The following USP15 variants were observed in gnomAD, a reference collection of about 807,000 sequenced individuals.
USP15 encodes the protein ubiquitin carboxyl-terminal hydrolase 15.
USP15 carries 18 observed loss-of-function variants against 127.1 expected under a neutral mutation model. That is an observed-to-expected ratio of 0.14 (90% CI 0.10 to 0.21). USP15 has a LOEUF of 0.21. Ranked by LOEUF, USP15 falls within the 10% of genes least tolerant of loss-of-function variation. The pLI, the probability that USP15 is intolerant of heterozygous loss-of-function variation, is 1.00. For missense variants in USP15, 805 were observed against 1,159.9 expected (o/e 0.69, Z 4.44); for synonymous variants, 364 against 393.7 (o/e 0.92, Z 0.89).
chr12:62,402,247 T>TAG (rs1002721676), intron 21 of USP15, among the ~76,000 whole-genome samples: 3 of 151,352 alleles, frequency 2.0e-5, no homozygotes, highest in Non-Finnish European at 3.0e-5. Context: ...ATGATATATA[T>TAG]AGAGAGAGAG....
At chr12:62,396,066 C>T (rs1042558666) in intron 19 of USP15, among the ~76,000 whole-genome samples, 1 of 151,820 alleles carries the variant, frequency 6.6e-6, no homozygotes, top group African/African-American at 2.4e-5. Flanking sequence ...AACCCATAAA[C>T]AAATGTTTGC....
chr12:62,402,120 A>G (rs1162442810), intron 21 of USP15, among the ~76,000 whole-genome samples: 1 of 151,854 alleles, frequency 6.6e-6, no homozygotes, highest in African/African-American at 2.4e-5. Context: ...CTTTTTAACA[A>G]CACTGCCCTA....
chr12:62,377,921 TC>T (rs1343714432), intron 8 of USP15, among the ~76,000 whole-genome samples: 2 of 151,876 alleles, frequency 1.3e-5, no homozygotes, highest in African/African-American at 4.8e-5. Context: ...ACATACTAAC[TC>T]AAGGTCTGGT....
At chr12:62,284,952 G>A (rs1217689898) in intron 1 of USP15, among the ~76,000 whole-genome samples, 1 of 152,072 alleles carries the variant, frequency 6.6e-6, no homozygotes, top group Admixed American at 6.5e-5. Context: ...TGTTTACAGT[G>A]TTAGCTGTAT....
Position 62,411,404 on chromosome 12 carries a change from C to CA in USP15, c.*7030dup, listed in dbSNP as rs1406157131. The CA allele has an allele frequency of 1.3e-5, 2 of 152,158 alleles. No individual in the cohort carries two copies. Among genetic ancestry groups the CA allele is most frequent in the African/African-American group, 2.4e-5 (1 of 41,424 alleles). 9.4% of individuals were successfully genotyped at this position (152,158 alleles called of 1,614,324 possible). On this transcript the variant is annotated 3_prime_UTR_variant, in exon 22 of 22. Transcript: ENST00000280377. Reference sequence around the variant, plus strand: ...TATTTTTTGAGTGTCCACTATGTGCCAGGCACTATTCTAGATTCAAGATAT... The same window carrying CA: ...TATTTTTTGAGTGTCCACTATGTGCCAAGGCACTATTCTAGATTCAAGATAT...
chr12:62,396,264 T>G, intron 19 of USP15, 31 bp from the exon 20 acceptor site: 1 of 1,534,014 alleles, frequency 6.5e-7, no homozygotes, highest in Non-Finnish European at 8.8e-7. Context: ...AGGGACAACA[T>G]AAAAATTAAC....
chr12:62,260,682 G>T (rs186187302), intron 1 of USP15, among the ~76,000 whole-genome samples, 179 bp downstream of exon 1: 166 of 152,304 alleles, frequency 1.1e-3, no homozygotes, highest in African/African-American at 3.8e-3. Flanking sequence ...CTAGATGAGG[G>T]TCAGGGTTCT....
At position 62,342,212 on chromosome 12, in the gene USP15, A is replaced by G. The variant is rs1354203000; in HGVS notation, c.684-7009A>G. On this transcript the variant is annotated intron_variant, in intron 6 of 21. Coordinates refer to ENST00000280377, the MANE Select transcript of USP15 (RefSeq NM_001252078.2). ...CCGCTTGATCGATTGAGCTATTGAT[A>G]CTTCTGTATGCTTCTCTGATTTCTC... is the stretch of plus-strand genomic sequence containing the variant. 4.0e-5 allele frequency among the ~76,000 whole-genome samples: 6 copies of G among 151,748 alleles called. No homozygotes were observed. In the South Asian group the frequency reaches 6.2e-4, roughly 16 times the overall value.
At chr12:62,397,849 C>T (rs1204241317) in intron 20 of USP15, among the ~76,000 whole-genome samples, 1 of 147,958 alleles carries the variant, frequency 6.8e-6, no homozygotes. Context: ...GAGCAAGACT[C>T]TGTCTCAAAA....
chr12:62,330,906 A>G (rs2065276565), intron 6 of USP15, among the ~76,000 whole-genome samples: 1 of 150,908 alleles, frequency 6.6e-6, no homozygotes, highest in South Asian at 2.1e-4. Flanking sequence ...AGCCTGTGCA[A>G]AAGAGTGAGA....
rs1426662081 is a variant in USP15, at chr12:62,294,322, C to T, written c.217+16C>T. ...CTTCTCAAAGGTCATTATTTTCTTCCTTCAGTCAAGTTGTAAATGTGTTAA... is the reference window on the plus strand; with the variant it reads ...CTTCTCAAAGGTCATTATTTTCTTCTTTCAGTCAAGTTGTAAATGTGTTAA... On this transcript the variant is annotated intron_variant, in intron 2 of 21. Transcript: ENST00000280377. 1 of 1,600,712 alleles carries T rather than the reference C, an allele frequency of 6.2e-7. No homozygotes were observed. Among genetic ancestry groups the T allele is most frequent in the East Asian group, 2.3e-5 (1 of 44,282 alleles).
At chr12:62,385,965 A>G (rs986888818) in intron 11 of USP15, among the ~76,000 whole-genome samples, 3 of 152,096 alleles carry the variant, frequency 2.0e-5, no homozygotes, top group African/African-American at 7.2e-5. Flanking sequence ...ATCTATATCA[A>G]TAGTGGCAAA....
intron 8 of USP15, among the ~76,000 whole-genome samples, chr12:62,372,565 C>T (rs2066709758): frequency 6.6e-6 from 1 of 152,008 alleles, no homozygotes; most frequent in South Asian, 2.1e-4. Context: ...GCTGTCCTTT[C>T]CTGTATGCCT....
chr12:62,277,246 T>C (rs947849782), intron 1 of USP15, among the ~76,000 whole-genome samples: 19 of 152,192 alleles, frequency 1.2e-4, no homozygotes, highest in African/African-American at 4.3e-4. Flanking sequence ...GTCATGTTTA[T>C]TATGGTATTT....
rs2068110458 is a variant in USP15, at chr12:62,414,516, T to C, written c.*10141T>C. ...CCACCACACCACACCTGGCTAATTT[T>C]TGTAGAGACCAGGTTTCACCATGTT... On this transcript the variant is annotated 3_prime_UTR_variant, in exon 22 of 22. Coordinates refer to ENST00000280377, the MANE Select transcript of USP15 (RefSeq NM_001252078.2). 1 of 152,200 alleles carries C rather than the reference T, an allele frequency of 6.6e-6. No individual in the cohort carries two copies. The highest frequency in any genetic ancestry group is 1.5e-5 in the Non-Finnish European group (1 of 68,058). The allele number at this position is 152,200 out of a possible 1,614,324, so 9.4% of individuals were successfully genotyped here.
intron 6 of USP15, chr12:62,328,230 T>A (rs904791301): frequency 4.6e-6 from 2 of 430,852 alleles, no homozygotes; most frequent in African/African-American, 2.1e-5. Context: ...ATAAGATTAA[T>A]TTATAAAAAG....
chr12:62,348,991 A>G (rs1011304436), intron 6 of USP15, among the ~76,000 whole-genome samples: 4 of 152,160 alleles, frequency 2.6e-5, no homozygotes, highest in African/African-American at 4.8e-5. Context: ...AGCAAGTCGC[A>G]TATTTAATTT....
At chr12:62,306,747 T>C (rs1396716767) in intron 3 of USP15, among the ~76,000 whole-genome samples, 1 of 152,118 alleles carries the variant, frequency 6.6e-6, no homozygotes, top group Non-Finnish European at 1.5e-5. Flanking sequence ...ACGGTGCTAA[T>C]ACTAAGCAGT....
intron 3 of USP15, among the ~76,000 whole-genome samples, chr12:62,312,607 A>G (rs1312966992): frequency 1.3e-5 from 2 of 151,710 alleles, no homozygotes; most frequent in Non-Finnish European, 3.0e-5. Context: ...TTATGGTAAT[A>G]TAACAGTGTT....
Sources: allele counts gnomAD v4.1 joint callset (sites outside exome capture counted in the v4.1 genomes callset), GRCh38; gene constraint gnomAD v4.1.1; transcripts MANE v1.5; gene names NCBI Gene and HGNC (gene_info 2026-07-23, HGNC 2026-07-21).